The following ADAMTS6 variants were observed in gnomAD, a reference collection of about 807,000 sequenced individuals.
ADAMTS6 encodes the protein A disintegrin and metalloproteinase with thrombospondin motifs 6.
In ADAMTS6, 23 loss-of-function variants were observed where a neutral mutation model predicts 144.3. That is an observed-to-expected ratio of 0.16 (90% CI 0.11 to 0.23). The LOEUF is 0.23. Among genes scored for constraint, ADAMTS6 ranks in the 10% least tolerant of loss-of-function variants. The pLI, the probability that ADAMTS6 is intolerant of heterozygous loss-of-function variation, is 1.00. For missense variants in ADAMTS6, 999 were observed against 1,379.6 expected, an observed-to-expected ratio of 0.72 and a Z score of 4.37; for synonymous variants, 444 against 457.5, an observed-to-expected ratio of 0.97 and a Z score of 0.38.
intron 9 of ADAMTS6, among the ~76,000 whole-genome samples, chr5:65,327,017 T>C (rs759088468): frequency 6.7e-4 from 102 of 152,116 alleles, no homozygotes; most frequent in Non-Finnish European, 1.1e-3. Context: ...TGGGGCCTGG[T>C]GGGAGGTATT....
Position 65,319,739 on chromosome 5 carries a change from GGGAAGGAAGGAAGGAAGGAA to G in ADAMTS6, c.1223+9619_1223+9638del, listed in dbSNP as rs776411832. ...GGGAAGGGAGGGAGGGAGGGAGGGAGGGAAGGAAGGAAGGAAGGAAGGAAGGAAGGAAGGAAGGAAGGAAG... is the reference window on the plus strand; with the variant it reads ...GGGAAGGGAGGGAGGGAGGGAGGGAGGGAAGGAAGGAAGGAAGGAAGGAAG... On this transcript the variant is annotated intron_variant, in intron 9 of 24. Transcript: ENST00000381055. 9.8e-4 allele frequency among the ~76,000 whole-genome samples: 64 copies of G among 65,618 alleles called. 1 individual carries two copies. Among genetic ancestry groups the G allele is most frequent in the African/African-American group, 3.8e-3 (48 of 12,500 alleles). 43.0% of individuals were successfully genotyped at this position (65,618 alleles called of 152,430 possible).
At chr5:65,409,185 C>T (rs1754838111) in intron 7 of ADAMTS6, among the ~76,000 whole-genome samples, 1 of 151,946 alleles carries the variant, frequency 6.6e-6, no homozygotes, top group African/African-American at 2.4e-5. Flanking sequence ...CATAAAAAAC[C>T]CTTCAAAAAA....
In ADAMTS6 at chr5:65,478,232, C is replaced by T. The variant is rs574826181; in HGVS notation, c.-280+3111G>A. On this transcript the variant is annotated intron_variant, in intron 1 of 24. Coordinates refer to ENST00000381055, the MANE Select transcript of ADAMTS6 (RefSeq NM_197941.4). ...CACAATAAAAGTGAATGAGTTAACC[C>T]ACTTTCTGACACCTGGTGGGGAGGT... Among the ~76,000 whole-genome samples, 7 of 152,276 alleles carry T rather than the reference C, an allele frequency of 4.6e-5. No homozygotes were observed. In the South Asian group the frequency reaches 1.4e-3, roughly 32 times the overall value.
chr5:65,439,781 G>A (rs1408366909), intron 7 of ADAMTS6, among the ~76,000 whole-genome samples: 1 of 151,984 alleles, frequency 6.6e-6, no homozygotes, highest in Non-Finnish European at 1.5e-5. Flanking sequence ...AACTGTACTG[G>A]GGTTATATAA....
intron 7 of ADAMTS6, among the ~76,000 whole-genome samples, chr5:65,336,778 T>G (rs1376241824): frequency 3.3e-5 from 5 of 152,144 alleles, no homozygotes; most frequent in Admixed American, 3.3e-4. Context: ...CCCTTCATTA[T>G]AACTGATAAC....
intron 7 of ADAMTS6, among the ~76,000 whole-genome samples, chr5:65,412,600 CA>C (rs1580646478): frequency 6.6e-6 from 1 of 151,894 alleles, no homozygotes; most frequent in East Asian, 1.9e-4. Context: ...TGTCACTACA[CA>C]AAAAAATTTG....
intron 12 of ADAMTS6, 23 bp from the exon 13 acceptor site, chr5:65,262,985 C>G (rs1308867398): frequency 1.2e-6 from 2 of 1,613,494 alleles, no homozygotes; most frequent in Admixed American, 3.3e-5. Context: ...ACAGAAAACA[C>G]AGAATTAGCT....
At chr5:65,431,044 C>T (rs1385655016) in intron 7 of ADAMTS6, among the ~76,000 whole-genome samples, 6 of 152,076 alleles carry the variant, frequency 3.9e-5, no homozygotes, top group Non-Finnish European at 8.8e-5. Flanking sequence ...ACAACTTACA[C>T]GTAGTAAGCA....
chr5:65,200,593 A>C (rs938405371), intron 20 of ADAMTS6, among the ~76,000 whole-genome samples: 1 of 152,182 alleles, frequency 6.6e-6, no homozygotes, highest in African/African-American at 2.4e-5. Context: ...AATCAAAAAC[A>C]AAATTCTAGT....
chr5:65,191,282 A>G (rs1224644022), intron 21 of ADAMTS6, among the ~76,000 whole-genome samples: 1 of 152,140 alleles, frequency 6.6e-6, no homozygotes, highest in East Asian at 1.9e-4. Flanking sequence ...ATCTCTTATT[A>G]TTACAAAAAA....
At chr5:65,349,951 T>A (rs1748699041) in intron 7 of ADAMTS6, among the ~76,000 whole-genome samples, 1 of 152,186 alleles carries the variant, frequency 6.6e-6, no homozygotes, top group African/African-American at 2.4e-5. Flanking sequence ...CATTGTAACT[T>A]TAATTACATT....
At chr5:65,234,204 T>A (rs1163139682) in intron 15 of ADAMTS6, among the ~76,000 whole-genome samples, 4 of 151,616 alleles carry the variant, frequency 2.6e-5, no homozygotes, top group Non-Finnish European at 5.9e-5. Flanking sequence ...AGGGCAAAGC[T>A]CCAGCACAAT....
intron 1 of ADAMTS6, 45 bp from the exon 2 acceptor site, chr5:65,473,997 GA>G: frequency 2.2e-6 from 1 of 446,150 alleles, no homozygotes; most frequent in Non-Finnish European, 3.9e-6. Flanking sequence ...ATCCAGAATG[GA>G]AAAATCCAAG....
intron 7 of ADAMTS6, among the ~76,000 whole-genome samples, chr5:65,443,622 CAAAAAAAAAA>C (rs59240974): frequency 2.9e-5 from 2 of 69,122 alleles, no homozygotes; most frequent in Non-Finnish European, 2.6e-5. Flanking sequence ...GACCCTGTCT[CAAAAAAAAAA>C]AAAAAAAAAA....
intron 7 of ADAMTS6, among the ~76,000 whole-genome samples, chr5:65,404,226 A>T (rs1238772995): frequency 6.6e-6 from 1 of 152,070 alleles, no homozygotes; most frequent in Non-Finnish European, 1.5e-5. Flanking sequence ...TACAAATGCC[A>T]TGTTGGTGTG....
chr5:65,405,648 T>A (rs1375234611), intron 7 of ADAMTS6, among the ~76,000 whole-genome samples: 1 of 152,220 alleles, frequency 6.6e-6, no homozygotes, highest in Non-Finnish European at 1.5e-5. Context: ...TGGTTCCATA[T>A]GAACTTTAAA....
intron 11 of ADAMTS6, among the ~76,000 whole-genome samples, chr5:65,275,423 A>G (rs1369379483): frequency 6.8e-6 from 1 of 147,128 alleles, no homozygotes; most frequent in Non-Finnish European, 1.5e-5. Flanking sequence ...AAGAAAAGAA[A>G]GAAAGAAAGA....
At chr5:65,291,609 G>T in intron 10 of ADAMTS6, 139 bp from the exon 11 acceptor site, 1 of 877,206 alleles carries the variant, frequency 1.1e-6, no homozygotes, top group Non-Finnish European at 1.6e-6. Flanking sequence ...TAATCACATG[G>T]CAGAACAGAA....
At chr5:65,297,194 G>A (rs1283097675) in intron 10 of ADAMTS6, 4 of 455,780 alleles carry the variant, frequency 8.8e-6, no homozygotes, top group African/African-American at 6.0e-5. Context: ...TAATCAGGAC[G>A]GCTTCTGGGC....
Sources: gnomAD v4.1 joint callset for allele counts (sites outside exome capture counted in the v4.1 genomes callset) on GRCh38, gnomAD v4.1.1 for gene constraint, MANE v1.5 for transcripts, NCBI Gene and HGNC (gene_info 2026-07-23, HGNC 2026-07-21) for gene names.